CHRNA7: variants seen among roughly 807,000 people sequenced by gnomAD.
CHRNA7 encodes the protein neuronal acetylcholine receptor subunit alpha-7.
CHRNA7 carries 17 observed loss-of-function variants against 48.0 expected under a neutral mutation model. The ratio of observed to expected loss-of-function variants is 0.35; its 90% confidence interval spans 0.24 to 0.53. The LOEUF is 0.53. CHRNA7 is among the 20% of genes least tolerant of loss of function. The pLI, the probability that CHRNA7 is intolerant of heterozygous loss-of-function variation, is 0.92. For missense variants in CHRNA7, 155 were observed against 577.7 expected (o/e 0.27, Z 7.50); for synonymous variants, 75 against 242.3 (o/e 0.31, Z 6.41).
intron 2 of CHRNA7, among the ~76,000 whole-genome samples, chr15:32,042,561 A>C (rs1377363114): frequency 6.6e-6 from 1 of 152,106 alleles, no homozygotes; most frequent in African/African-American, 2.4e-5. Context: ...GGAATTTTTA[A>C]CTTTCAAAGT....
intron 2 of CHRNA7, among the ~76,000 whole-genome samples, chr15:32,049,130 G>C (rs1401636278): frequency 1.3e-5 from 2 of 151,656 alleles, no homozygotes; most frequent in Non-Finnish European, 2.9e-5. Context: ...CTGTTGATTT[G>C]GGGTGGAGAG....
chr15:32,090,195 G>A (rs529462927), intron 2 of CHRNA7, among the ~76,000 whole-genome samples: 1 of 152,302 alleles, frequency 6.6e-6, no homozygotes, highest in South Asian at 2.1e-4. Flanking sequence ...ACAGGCTGCT[G>A]GAGTGGGACC....
intron 2 of CHRNA7, among the ~76,000 whole-genome samples, chr15:32,086,225 T>A (rs956125506): frequency 6.6e-6 from 1 of 151,694 alleles, no homozygotes; most frequent in African/African-American, 2.4e-5. Context: ...AAAAATTAGC[T>A]GGGCCTGGTG....
intron 2 of CHRNA7, among the ~76,000 whole-genome samples, chr15:32,074,772 C>T (rs760749231): frequency 1.0e-3 from 157 of 151,750 alleles, no homozygotes; most frequent in Non-Finnish European, 1.8e-3. Context: ...CTCAGGCTCC[C>T]GAGTAGTTGG....
chr15:32,041,290 G>T (rs2049443908), intron 2 of CHRNA7, among the ~76,000 whole-genome samples: 1 of 152,164 alleles, frequency 6.6e-6, no homozygotes, highest in South Asian at 2.1e-4. Flanking sequence ...TGACACCAGG[G>T]ACCTGTTTTG....
chr15:32,149,471 A>G lies in CHRNA7; in HGVS notation c.351-4436A>G, dbSNP rs2051573930. Among the ~76,000 whole-genome samples the G allele has an allele frequency of 6.6e-6, 1 of 152,058 alleles. No homozygotes were observed. Among genetic ancestry groups the G allele is most frequent in the Non-Finnish European group, 1.5e-5 (1 of 67,992 alleles). On this transcript the variant is annotated intron_variant, in intron 4 of 9. Coordinates refer to ENST00000306901, the MANE Select transcript of CHRNA7 (RefSeq NM_000746.6). This position sits in a 1 kb window ranked among gnomAD's most constrained non-coding sequence, Gnocchi z 4.6. ...TCCCACCTCAGATCACTGTTTTCAAACTCAGTTTTCAGCAACAGGGCCTTT... is the reference window on the plus strand; with the variant it reads ...TCCCACCTCAGATCACTGTTTTCAAGCTCAGTTTTCAGCAACAGGGCCTTT...
chr15:32,152,470 A>G (rs1223257614), intron 4 of CHRNA7, among the ~76,000 whole-genome samples: 2 of 152,166 alleles, frequency 1.3e-5, no homozygotes, highest in African/African-American at 2.4e-5. Context: ...TAGCACATGC[A>G]GGGACACAGG....
At position 32,157,766 on chromosome 15, in the gene CHRNA7, G is replaced by A; in HGVS notation, c.589G>A (p.Asp197Asn). 1 of 1,284,892 alleles carries A rather than the reference G, an allele frequency of 7.8e-7. No individual in the cohort carries two copies. The highest frequency in any genetic ancestry group is 1.2e-5 in the South Asian group (1 of 81,220). 79.6% of individuals were successfully genotyped at this position (1,284,892 alleles called of 1,614,324 possible). The change falls in exon 6 of 10, where the codon GAC becomes AAC. Residue 197 changes from aspartate to asparagine, a missense_variant. By Grantham distance (23) the Asp-to-Asn change is conservative. Coordinates refer to ENST00000306901, the MANE Select transcript of CHRNA7 (RefSeq NM_000746.6). ...TGGCTATATCCCCAATGGAGAATGG[G>A]ACCTAGTGGGTAAGCCATGGGACTA... The part of the protein sequence containing the change: ...ISGYIPNGEW[D>N]LVGIPGKRSE...
At chr15:32,051,094 G>A (rs531124710) in intron 2 of CHRNA7, among the ~76,000 whole-genome samples, 1 of 151,042 alleles carries the variant, frequency 6.6e-6, no homozygotes, top group African/African-American at 2.4e-5. Flanking sequence ...TCGGGGGTCA[G>A]GGGTCAGGGA....
chr15:32,142,358 C>A (rs996847786), intron 4 of CHRNA7, among the ~76,000 whole-genome samples: 1 of 152,196 alleles, frequency 6.6e-6, no homozygotes, highest in African/African-American at 2.4e-5. Flanking sequence ...CAATGCTCCT[C>A]AGGGATATTG....
intron 2 of CHRNA7, among the ~76,000 whole-genome samples, chr15:32,051,607 G>A (rs1032747210): frequency 6.6e-6 from 1 of 152,100 alleles, no homozygotes; most frequent in Non-Finnish European, 1.5e-5. Context: ...CTTCCCGAGT[G>A]AGGCAATGCC....
In CHRNA7 at chr15:32,168,814, AC is replaced by A; in HGVS notation, c.*358del. ...GTTTTGCATGTCTGCATGAAGGTCT[AC>A]CTGAAAATTCAACATTTGCTTTTTG... On this transcript the variant is annotated 3_prime_UTR_variant, in exon 10 of 10. Coordinates refer to ENST00000306901, the MANE Select transcript of CHRNA7 (RefSeq NM_000746.6). 2.1e-5 allele frequency: 1 copy of A among 47,340 alleles called. No individual in the cohort carries two copies. Among genetic ancestry groups the A allele is most frequent in the East Asian group, 3.9e-4 (1 of 2,594 alleles). The allele number at this position is 47,340 out of a possible 1,614,324, so 2.9% of individuals were successfully genotyped here.
At chr15:32,030,776 C>T in intron 1 of CHRNA7, 122 bp from the exon 2 acceptor site, 1 of 1,503,448 alleles carries the variant, frequency 6.7e-7, no homozygotes, top group Non-Finnish European at 8.8e-7. Flanking sequence ...GCAGCGGGGG[C>T]GCTGCGGGGG....
At chr15:32,063,236 TA>T (rs71113440) in intron 2 of CHRNA7, among the ~76,000 whole-genome samples, 8,761 of 145,848 alleles carry the variant, frequency 0.06, 277 homozygotes, top group Middle Eastern at 0.12. Flanking sequence ...TACACTAAAT[TA>T]AAAAAAAAAA....
intron 4 of CHRNA7, among the ~76,000 whole-genome samples, chr15:32,148,976 A>G (rs2051555791): frequency 6.6e-6 from 1 of 152,082 alleles, no homozygotes; most frequent in Non-Finnish European, 1.5e-5. Flanking sequence ...TGCGTCCTAC[A>G]TGTTTGAGTT....
intron 2 of CHRNA7, among the ~76,000 whole-genome samples, chr15:32,085,964 T>C (rs1365377289): frequency 3.3e-5 from 5 of 152,228 alleles, no homozygotes; most frequent in Non-Finnish European, 5.9e-5. Flanking sequence ...TTTTAAGATA[T>C]TCTTTTTCAT....
At chr15:32,075,865 CTA>C in intron 2 of CHRNA7, among the ~76,000 whole-genome samples, 1 of 150,044 alleles carries the variant, frequency 6.7e-6, no homozygotes, top group Non-Finnish European at 1.5e-5. Context: ...TGCTTGCTTT[CTA>C]TCTCACAAAT....
chr15:32,063,770 A>G (rs1438205541), intron 2 of CHRNA7, among the ~76,000 whole-genome samples: 1 of 152,184 alleles, frequency 6.6e-6, no homozygotes, highest in East Asian at 1.9e-4. Flanking sequence ...TCATTAGCAT[A>G]ACAAGGAATT....
At chr15:32,048,517 C>T (rs1595383492) in intron 2 of CHRNA7, among the ~76,000 whole-genome samples, 1 of 152,080 alleles carries the variant, frequency 6.6e-6, no homozygotes, top group East Asian at 1.9e-4. Flanking sequence ...GTGGTCATAT[C>T]CCCTTTATCA....
Sources: allele counts gnomAD v4.1 joint callset (sites outside exome capture counted in the v4.1 genomes callset), GRCh38; gene constraint gnomAD v4.1.1; non-coding constraint Gnocchi (gnomAD v3.1); transcripts MANE v1.5; gene names NCBI Gene and HGNC (gene_info 2026-07-23, HGNC 2026-07-21).